COMMD10: variants seen among roughly 807,000 people sequenced by gnomAD.
COMMD10 encodes COMM domain-containing protein 10.
COMMD10 carries 33 observed loss-of-function variants against 28.9 expected under a neutral mutation model. The observed-to-expected ratio is 1.14, with a 90% CI of 0.87 to 1.53. The LOEUF is 1.53. Ranked by LOEUF, COMMD10 falls within the 40% of genes most tolerant of loss-of-function variation. COMMD10 has a pLI of 0.00. For missense variants in COMMD10, 310 were observed against 233.4 expected, an observed-to-expected ratio of 1.33 and a Z score of -2.14; for synonymous variants, 110 against 81.7, an observed-to-expected ratio of 1.35 and a Z score of -1.87.
intron 5 of COMMD10, among the ~76,000 whole-genome samples, chr5:116,182,734 C>T (rs1228218513): frequency 6.6e-6 from 1 of 151,972 alleles, no homozygotes; most frequent in Non-Finnish European, 1.5e-5. Flanking sequence ...ATCAGGTTGT[C>T]CAGAAAATAA....
intron 5 of COMMD10, among the ~76,000 whole-genome samples, chr5:116,225,180 G>A (rs1425527645): frequency 6.6e-6 from 1 of 151,692 alleles, no homozygotes; most frequent in Non-Finnish European, 1.5e-5. Flanking sequence ...GATTTATTCT[G>A]TGTTCACTCA....
chr5:116,245,569 G>T lies in COMMD10; in HGVS notation c.511-45948G>T, dbSNP rs1749926947. Among the ~76,000 whole-genome samples the T allele has an allele frequency of 2.0e-5, 3 of 151,936 alleles. No individual in the cohort carries two copies. The South Asian group carries it at 6.2e-4, about 32-fold the overall frequency. ...AAACCTCAGGTCACTATGCTTGGTG[G>T]ACATTGATACAAAAGTCCTCAACAA... On this transcript the variant is annotated intron_variant, in intron 5 of 6. Transcript: ENST00000274458.
At chr5:116,153,408 T>C (rs902591016) in intron 5 of COMMD10, among the ~76,000 whole-genome samples, 1 of 152,096 alleles carries the variant, frequency 6.6e-6, no homozygotes, top group African/African-American at 2.4e-5. Context: ...AAGGGCCTGC[T>C]GCCTTGAATT....
At chr5:116,093,919 A>G (rs1025952758) in intron 4 of COMMD10, among the ~76,000 whole-genome samples, 1 of 152,214 alleles carries the variant, frequency 6.6e-6, no homozygotes, top group African/African-American at 2.4e-5. Context: ...AGAGCATACA[A>G]CTGGGGAAAG....
At chr5:116,136,141 G>A (rs10078121) in intron 5 of COMMD10, among the ~76,000 whole-genome samples, 93,511 of 151,960 alleles carry the variant, frequency 0.62, 30,560 homozygotes, top group Non-Finnish European at 0.74. Flanking sequence ...TCCTGATGAA[G>A]TTATTACCTC....
intron 5 of COMMD10, among the ~76,000 whole-genome samples, chr5:116,280,132 T>C (rs935136450): frequency 1.3e-5 from 2 of 151,894 alleles, no homozygotes; most frequent in Non-Finnish European, 2.9e-5. Flanking sequence ...ATAAGAGGAT[T>C]GGGCAAGGAT....
rs138197187 is a variant in COMMD10 at position 116,140,818 on chromosome 5, A to T, written c.510+6640A>T. On this transcript the variant is annotated intron_variant, in intron 5 of 6. Coordinates refer to ENST00000274458, the MANE Select transcript of COMMD10 (RefSeq NM_016144.4). ...TGCTATTGAATTGTGTGAGTTCCTT[A>T]TACATGTTGTATATTAACCCCTTAT... 4.2e-3 allele frequency among the ~76,000 whole-genome samples: 638 copies of T among 151,900 alleles called. 6 individuals carry two copies. The highest frequency in any genetic ancestry group is 0.015 in the African/African-American group (612 of 41,472).
intron 5 of COMMD10, among the ~76,000 whole-genome samples, chr5:116,279,965 A>G (rs955024036): frequency 6.6e-6 from 1 of 151,882 alleles, no homozygotes; most frequent in Non-Finnish European, 1.5e-5. Flanking sequence ...ACTGATTAGG[A>G]CATAGGTTCT....
chr5:116,205,500 G>A (rs1261041956), intron 5 of COMMD10, among the ~76,000 whole-genome samples: 11 of 151,960 alleles, frequency 7.2e-5, no homozygotes, highest in African/African-American at 2.4e-5. Flanking sequence ...TTTCAGTTAC[G>A]GGATTTATTG....
intron 5 of COMMD10, among the ~76,000 whole-genome samples, chr5:116,136,462 A>G (rs977339158): frequency 2.0e-5 from 3 of 152,190 alleles, no homozygotes; most frequent in African/African-American, 7.2e-5. Context: ...TTGGAAGTGT[A>G]CTATTTTGAC....
chr5:116,173,597 A>G (rs1753406507), intron 5 of COMMD10, among the ~76,000 whole-genome samples: 1 of 152,086 alleles, frequency 6.6e-6, no homozygotes, highest in South Asian at 2.1e-4. Flanking sequence ...TTTGCCATTC[A>G]CTTTTGGTAG....
At chr5:116,207,073 T>C (rs1748832483) in intron 5 of COMMD10, among the ~76,000 whole-genome samples, 1 of 152,232 alleles carries the variant, frequency 6.6e-6, no homozygotes, top group Non-Finnish European at 1.5e-5. Context: ...ACTTTTCATA[T>C]GTTTTTGTCC....
At chr5:116,158,601 CAA>C (rs1294550178) in intron 5 of COMMD10, among the ~76,000 whole-genome samples, 1 of 150,570 alleles carries the variant, frequency 6.6e-6, no homozygotes, top group African/African-American at 2.4e-5. Context: ...TTAAGCCTCT[CAA>C]AGTGCTGGGA....
chr5:116,206,803 G>A (rs376514251), intron 5 of COMMD10, among the ~76,000 whole-genome samples: 4 of 152,088 alleles, frequency 2.6e-5, no homozygotes, highest in African/African-American at 9.7e-5. Context: ...AAACCTCTTT[G>A]GCAGATTTTA....
At chr5:116,195,573 T>C (rs1427544450) in intron 5 of COMMD10, among the ~76,000 whole-genome samples, 1 of 151,414 alleles carries the variant, frequency 6.6e-6, no homozygotes, top group Non-Finnish European at 1.5e-5. Context: ...AAAAAATAAA[T>C]AAGTAAGATA....
intron 5 of COMMD10, among the ~76,000 whole-genome samples, chr5:116,171,224 A>G (rs1355226608): frequency 1.3e-5 from 2 of 152,236 alleles, no homozygotes; most frequent in African/African-American, 4.8e-5. Flanking sequence ...GACATACGAA[A>G]AAAAGCTCAT....
At chr5:116,258,666 A>G (rs1580591121) in intron 5 of COMMD10, among the ~76,000 whole-genome samples, 1 of 151,724 alleles carries the variant, frequency 6.6e-6, no homozygotes, top group African/African-American at 2.4e-5. Flanking sequence ...AAGATTTCTG[A>G]TATCAATATA....
intron 4 of COMMD10, among the ~76,000 whole-genome samples, chr5:116,125,124 A>C (rs1198929887): frequency 6.6e-6 from 1 of 152,106 alleles, no homozygotes; most frequent in Admixed American, 6.5e-5. Context: ...TTTCCTCGTT[A>C]GTTGATGCAG....
chr5:116,280,317 G>T (rs17139366), intron 5 of COMMD10, among the ~76,000 whole-genome samples: 2 of 151,784 alleles, frequency 1.3e-5, no homozygotes, highest in Admixed American at 6.6e-5. Context: ...ACTCTGCCTA[G>T]GATGCTTTGC....
Sources: allele counts gnomAD v4.1 joint callset (sites outside exome capture counted in the v4.1 genomes callset), GRCh38; gene constraint gnomAD v4.1.1; transcripts MANE v1.5; gene names NCBI Gene and HGNC (gene_info 2026-07-23, HGNC 2026-07-21).